The following KCNIP4 variants were observed in gnomAD, a reference collection of about 807,000 sequenced individuals.
KCNIP4 encodes the protein potassium voltage-gated channel interacting protein 4.
Under a neutral mutation model 34.0 loss-of-function variants are expected in KCNIP4, and 12 were observed. That is an observed-to-expected ratio of 0.35 (90% CI 0.23 to 0.57). The LOEUF is 0.57. Among genes scored for constraint, KCNIP4 ranks in the 20% least tolerant of loss-of-function variants. The pLI is 0.83. For synonymous variants in KCNIP4, 124 were observed against 102.2 expected, an observed-to-expected ratio of 1.21 and a Z score of -1.29; for missense variants, 238 against 311.7, an observed-to-expected ratio of 0.76 and a Z score of 1.78.
At chr4:21,133,740 G>A (rs2060326) in intron 1 of KCNIP4, among the ~76,000 whole-genome samples, 104,291 of 151,922 alleles carry the variant, frequency 0.69, 36,337 homozygotes, top group African/African-American at 0.79. Flanking sequence ...TTCTTGTTAT[G>A]TGATCTCAGT....
At chr4:21,200,791 TA>T (rs1051429465) in intron 1 of KCNIP4, among the ~76,000 whole-genome samples, 1 of 151,314 alleles carries the variant, frequency 6.6e-6, no homozygotes, top group African/African-American at 2.4e-5. Context: ...GCTACTGAAA[TA>T]AAAAAAATAA....
At chr4:20,909,173 A>G (rs1406502721) in intron 1 of KCNIP4, among the ~76,000 whole-genome samples, 1 of 152,218 alleles carries the variant, frequency 6.6e-6, no homozygotes, top group East Asian at 1.9e-4. Flanking sequence ...AGACTAGAAA[A>G]TCATATATGA....
At chr4:21,293,292 T>A (rs2109215119) in intron 1 of KCNIP4, among the ~76,000 whole-genome samples, 1 of 152,316 alleles carries the variant, frequency 6.6e-6, no homozygotes, top group Non-Finnish European at 1.5e-5. Context: ...AGGAGTCAAG[T>A]ATGTTACCCA....
At chr4:20,947,592 T>G (rs1416152633) in intron 1 of KCNIP4, among the ~76,000 whole-genome samples, 3 of 152,210 alleles carry the variant, frequency 2.0e-5, no homozygotes, top group African/African-American at 7.2e-5. Flanking sequence ...TACATGAATT[T>G]TTAATATGCA....
At chr4:21,338,141 C>G (rs1200318378) in intron 1 of KCNIP4, among the ~76,000 whole-genome samples, 1 of 151,504 alleles carries the variant, frequency 6.6e-6, no homozygotes, top group African/African-American at 2.4e-5. Flanking sequence ...CTTTGTAAGA[C>G]TTTGTATTTT....
At chr4:21,280,317 A>C (rs1762700135) in intron 1 of KCNIP4, among the ~76,000 whole-genome samples, 1 of 152,184 alleles carries the variant, frequency 6.6e-6, no homozygotes, top group Non-Finnish European at 1.5e-5. Flanking sequence ...TTGAAAGGTC[A>C]AAAGTTTGGG....
At chr4:21,765,121 C>A (rs534640384) in intron 1 of KCNIP4, among the ~76,000 whole-genome samples, 13 of 151,328 alleles carry the variant, frequency 8.6e-5, no homozygotes, top group African/African-American at 2.9e-4. Flanking sequence ...ATGGGAAGTG[C>A]AATGGCTTTT....
intron 1 of KCNIP4, among the ~76,000 whole-genome samples, chr4:21,052,752 T>A (rs1184677562): frequency 6.6e-6 from 1 of 152,142 alleles, no homozygotes; most frequent in African/African-American, 2.4e-5. Context: ...CTTAATAGGA[T>A]CATCTGTTGA....
chr4:20,827,808 C>CAA lies in KCNIP4; in HGVS notation c.288+22733_288+22734dup, dbSNP rs11295104. Reference sequence around the variant, plus strand: ...ACAAAACAAAATTACCCATCCCCCTCAAAAAAAAAAAAAAACAAAGAAAAT... The same window carrying CAA: ...ACAAAACAAAATTACCCATCCCCCTCAAAAAAAAAAAAAAAAACAAAGAAAAT... On this transcript the variant is annotated intron_variant, in intron 3 of 8. Transcript: ENST00000382152. 8.2e-3 allele frequency among the ~76,000 whole-genome samples: 1,164 copies of CAA among 142,550 alleles called. 16 individuals are homozygous for CAA. Among genetic ancestry groups the CAA allele is most frequent in the African/African-American group, 0.025 (956 of 38,934 alleles). 93.5% of individuals were successfully genotyped at this position (142,550 alleles called of 152,430 possible).
intron 1 of KCNIP4, among the ~76,000 whole-genome samples, chr4:21,122,434 T>A (rs1750241668): frequency 1.4e-5 from 2 of 147,922 alleles, no homozygotes; most frequent in Admixed American, 1.3e-4. Flanking sequence ...CTAAAGAAAG[T>A]GGGGTTAATT....
chr4:20,916,379 C>T (rs1728819995), intron 1 of KCNIP4: 1 of 983,756 alleles, frequency 1.0e-6, no homozygotes, highest in African/African-American at 1.7e-5. Flanking sequence ...GGTGATGTGG[C>T]CTATTTTTCT....
intron 3 of KCNIP4, among the ~76,000 whole-genome samples, chr4:20,820,157 C>G (rs1025804117): frequency 6.6e-6 from 1 of 152,118 alleles, no homozygotes; most frequent in African/African-American, 2.4e-5. Flanking sequence ...GTAGGGGAAG[C>G]CTTAATCTTA....
intron 1 of KCNIP4, among the ~76,000 whole-genome samples, chr4:21,766,929 C>G (rs1422267111): frequency 1.3e-5 from 2 of 152,056 alleles, no homozygotes; most frequent in African/African-American, 4.8e-5. Context: ...CAACAAAGAC[C>G]CTGTCCTCTT....
At chr4:21,236,068 G>A (rs145163634) in intron 1 of KCNIP4, among the ~76,000 whole-genome samples, 89 of 152,244 alleles carry the variant, frequency 5.8e-4, no homozygotes, top group Non-Finnish European at 1.2e-3. Flanking sequence ...GCTGAGGCAG[G>A]CAGATCGCTT....
chr4:21,344,698 T>C (rs993696355), intron 1 of KCNIP4, among the ~76,000 whole-genome samples: 1 of 152,132 alleles, frequency 6.6e-6, no homozygotes, highest in Non-Finnish European at 1.5e-5. Context: ...AAATCCCCGA[T>C]ATGTAGGCAG....
intron 1 of KCNIP4, among the ~76,000 whole-genome samples, chr4:21,432,486 T>C (rs940754650): frequency 1.3e-5 from 2 of 152,064 alleles, no homozygotes; most frequent in South Asian, 2.1e-4. Context: ...AAAATTATGA[T>C]GTTCAACAGT....
At chr4:21,697,877 C>A in intron 1 of KCNIP4, 1 of 160,516 alleles carries the variant, frequency 6.2e-6, no homozygotes, top group Non-Finnish European at 1.3e-5. Context: ...GTCACTGGGT[C>A]TGAAACCCTT....
chr4:21,040,181 C>A (rs910616541), intron 1 of KCNIP4, among the ~76,000 whole-genome samples: 1 of 152,128 alleles, frequency 6.6e-6, no homozygotes, highest in East Asian at 1.9e-4. Context: ...AGATGAGATT[C>A]GGGTGGGGAA....
chr4:21,062,864 A>G (rs1021365867), intron 1 of KCNIP4, among the ~76,000 whole-genome samples: 3 of 152,168 alleles, frequency 2.0e-5, no homozygotes, highest in African/African-American at 7.2e-5. Flanking sequence ...GCCTGCCCAC[A>G]TTAGGATCAT....
Sources: allele counts gnomAD v4.1 joint callset (sites outside exome capture counted in the v4.1 genomes callset), GRCh38; gene constraint gnomAD v4.1.1; transcripts MANE v1.5; gene names NCBI Gene and HGNC (gene_info 2026-07-23, HGNC 2026-07-21).